SUPT3H: variants seen among roughly 807,000 people sequenced by gnomAD.
SUPT3H encodes transcription initiation protein SPT3 homolog.
Under a neutral mutation model 44.3 loss-of-function variants are expected in SUPT3H, and 44 were observed. That is an observed-to-expected ratio of 0.99 (90% CI 0.78 to 1.28). The LOEUF is 1.28. Ranked by LOEUF, SUPT3H falls within the 50% of genes most tolerant of loss-of-function variation. The pLI is 0.00. For synonymous variants in SUPT3H, 124 were observed against 125.6 expected, an observed-to-expected ratio of 0.99 and a Z score of 0.09; for missense variants, 380 against 387.1, an observed-to-expected ratio of 0.98 and a Z score of 0.15.
rs1293910077 is a variant in SUPT3H, at chr6:45,064,888, T to A, written c.186+41034A>T. Among the ~76,000 whole-genome samples, 737 of 144,756 alleles carry A rather than the reference T, an allele frequency of 5.1e-3. 4 individuals carry two copies. Among genetic ancestry groups the A allele is most frequent in the African/African-American group, 0.018 (694 of 38,744 alleles). The allele number at this position is 144,756 out of a possible 152,430, so 95.0% of individuals were successfully genotyped here. A position where few individuals can be genotyped will look rare whatever the true frequency, so the allele number is the denominator to read the frequency against. On this transcript the variant is annotated intron_variant, in intron 3 of 10. Transcript: ENST00000371459. ...AGACTTTAACACCCCACTGTCAACATTAGACAGATCAACGAGACAGAAAGT... is the reference window on the plus strand; with the variant it reads ...AGACTTTAACACCCCACTGTCAACAATAGACAGATCAACGAGACAGAAAGT...
chr6:45,302,663 C>G (rs1044900706), intron 2 of SUPT3H, among the ~76,000 whole-genome samples: 8 of 151,446 alleles, frequency 5.3e-5, no homozygotes, highest in African/African-American at 1.2e-4. Flanking sequence ...GTGCAACTAT[C>G]TTTTCTGTAT....
chr6:45,042,560 T>G (rs193126069), intron 3 of SUPT3H, among the ~76,000 whole-genome samples: 89 of 152,344 alleles, frequency 5.8e-4, no homozygotes, highest in South Asian at 1.7e-3. Context: ...AGTTGTTGTT[T>G]TTTTTAATTA....
intron 2 of SUPT3H, among the ~76,000 whole-genome samples, chr6:45,294,444 A>G (rs1446444321): frequency 6.6e-6 from 1 of 151,980 alleles, no homozygotes; most frequent in African/African-American, 2.4e-5. Flanking sequence ...AGCTTTCACT[A>G]CTCCCCTTCA....
At chr6:45,181,138 G>A (rs1167343748) in intron 2 of SUPT3H, among the ~76,000 whole-genome samples, 1 of 142,762 alleles carries the variant, frequency 7.0e-6, no homozygotes, top group Non-Finnish European at 1.5e-5. Context: ...CTGGCCATCA[G>A]AGAAATGCAA....
intron 10 of SUPT3H, among the ~76,000 whole-genome samples, chr6:44,911,380 G>A (rs1372555742): frequency 6.6e-6 from 1 of 152,080 alleles, no homozygotes; most frequent in Non-Finnish European, 1.5e-5. Context: ...CTTCCAAATT[G>A]TTCCAAAGAA....
intron 2 of SUPT3H, among the ~76,000 whole-genome samples, chr6:45,143,830 C>T (rs1160380007): frequency 6.6e-6 from 1 of 151,896 alleles, no homozygotes; most frequent in Non-Finnish European, 1.5e-5. Flanking sequence ...GAGAGAAGAT[C>T]CAAATAAGCT....
chr6:45,272,689 T>C (rs893670841), intron 2 of SUPT3H, among the ~76,000 whole-genome samples: 2 of 152,184 alleles, frequency 1.3e-5, no homozygotes, highest in African/African-American at 4.8e-5. Context: ...TTGCTCTTGA[T>C]TGGAGGAAAG....
intron 2 of SUPT3H, among the ~76,000 whole-genome samples, chr6:45,358,659 C>A (rs531308605): frequency 1.3e-5 from 2 of 152,122 alleles, no homozygotes; most frequent in Non-Finnish European, 2.9e-5. Context: ...CGTACTAACC[C>A]TGTGAGGTAG....
chr6:44,832,358 A>G (rs1768962349), intron 10 of SUPT3H, among the ~76,000 whole-genome samples: 1 of 152,128 alleles, frequency 6.6e-6, no homozygotes, highest in South Asian at 2.1e-4. Flanking sequence ...GTCAGACCCT[A>G]TGAATGATTC....
chr6:44,812,299 C>T lies in SUPT3H; in HGVS notation c.*53-2798G>A, dbSNP rs1195950094. On this transcript the variant is annotated intron_variant and NMD_transcript_variant, in intron 11 of 11. Transcript: ENST00000475057. Reference sequence around the variant, plus strand: ...TGGGAGAACTCAGTTTCTGTTTCTTCAGTACCAAGGTCTCCATTTTCGAGC... The same window carrying T: ...TGGGAGAACTCAGTTTCTGTTTCTTTAGTACCAAGGTCTCCATTTTCGAGC... Among the ~76,000 whole-genome samples, 5 of 152,300 alleles carry T rather than the reference C, an allele frequency of 3.3e-5. No homozygotes were observed. In the East Asian group the frequency reaches 9.6e-4, roughly 29 times the overall value.
At chr6:44,993,974 C>T (rs954280891) in intron 6 of SUPT3H, among the ~76,000 whole-genome samples, 1 of 151,952 alleles carries the variant, frequency 6.6e-6, no homozygotes, top group African/African-American at 2.4e-5. Flanking sequence ...AAGTAATGTG[C>T]CCTATGTCAG....
chr6:45,123,315 T>C (rs573712300), intron 2 of SUPT3H, among the ~76,000 whole-genome samples: 59 of 151,990 alleles, frequency 3.9e-4, no homozygotes, highest in African/African-American at 1.3e-3. Context: ...AATTCTACTA[T>C]GACAATACAA....
At chr6:45,144,760 A>C (rs1805764121) in intron 2 of SUPT3H, among the ~76,000 whole-genome samples, 1 of 152,030 alleles carries the variant, frequency 6.6e-6, no homozygotes, top group Admixed American at 6.6e-5. Flanking sequence ...GAAAACCCTA[A>C]AGACTCATCC....
intron 2 of SUPT3H, among the ~76,000 whole-genome samples, chr6:45,196,974 T>C (rs546611610): frequency 1.3e-5 from 2 of 151,584 alleles, no homozygotes; most frequent in South Asian, 4.2e-4. Context: ...ACATCTAAAA[T>C]AACACATCCT....
chr6:44,867,185 T>C (rs866133806), intron 10 of SUPT3H, among the ~76,000 whole-genome samples: 1 of 151,284 alleles, frequency 6.6e-6, no homozygotes, highest in Non-Finnish European at 1.5e-5. Context: ...GGAGTCTCAC[T>C]CTGTCACCCA....
intron 6 of SUPT3H, among the ~76,000 whole-genome samples, chr6:44,983,746 A>T (rs1165761203): frequency 6.6e-6 from 1 of 152,194 alleles, no homozygotes; most frequent in Non-Finnish European, 1.5e-5. Flanking sequence ...ATAACATTCA[A>T]AGAACCGTTT....
In SUPT3H at chr6:45,212,262, T is replaced by G. The variant is rs1316128753; in HGVS notation, c.102-106256A>C. Among the ~76,000 whole-genome samples, 3 of 152,206 alleles carry G rather than the reference T, an allele frequency of 2.0e-5. No individual in the cohort carries two copies. In the East Asian group the frequency reaches 5.8e-4, roughly 29 times the overall value. ...AATTGCTTAAAAATCATGCTTCATT[T>G]TACTATACTTGGTTGTTCTTCCCCG... On this transcript the variant is annotated intron_variant, in intron 2 of 10. Transcript: ENST00000371459.
In SUPT3H at chr6:45,240,747, T is replaced by TAC. The variant is rs1417554174; in HGVS notation, c.101+124452_101+124453dup. ...ATCAGATGGTAGAAACAGTAAAAAATACGGCAAGTTCCTATTATTTGGAAA... is the reference window on the plus strand; with the variant it reads ...ATCAGATGGTAGAAACAGTAAAAAATACACGGCAAGTTCCTATTATTTGGAAA... On this transcript the variant is annotated intron_variant, in intron 2 of 10. Transcript: ENST00000371459. 5.3e-5 allele frequency among the ~76,000 whole-genome samples: 8 copies of TAC among 152,176 alleles called. No individual in the cohort carries two copies. The East Asian group carries it at 1.4e-3, about 26-fold the overall frequency.
At chr6:45,036,654 C>T (rs543709599) in intron 3 of SUPT3H, among the ~76,000 whole-genome samples, 107 of 152,028 alleles carry the variant, frequency 7.0e-4, no homozygotes, top group African/African-American at 2.5e-3. Context: ...TAATTTCAAA[C>T]CTAAAAGTTT....
Sources: allele counts gnomAD v4.1 joint callset (sites outside exome capture counted in the v4.1 genomes callset), GRCh38; gene constraint gnomAD v4.1.1; transcripts MANE v1.5; gene names NCBI Gene and HGNC (gene_info 2026-07-23, HGNC 2026-07-21).